The following NCKAP1 variants were observed in gnomAD, a reference collection of about 807,000 sequenced individuals.
NCKAP1 encodes NCK associated protein 1.
In NCKAP1, 21 loss-of-function variants were observed where a neutral mutation model predicts 151.2. The observed-to-expected ratio is 0.14, with a 90% CI of 0.10 to 0.20. NCKAP1 has a LOEUF of 0.20. Among genes scored for constraint, NCKAP1 ranks in the 10% least tolerant of loss-of-function variants. The probability of loss-of-function intolerance (pLI) is 1.00; values close to 1 mark genes in which losing one functional copy is unlikely to be tolerated. For missense variants in NCKAP1, 933 were observed against 1,352.1 expected (o/e 0.69, Z 4.86); for synonymous variants, 484 against 451.8 (o/e 1.07, Z -0.90).
At chr2:182,978,947 C>T (rs369703665) in intron 13 of NCKAP1, 32 bp from the exon 14 acceptor site, 176 of 1,504,056 alleles carry the variant, frequency 1.2e-4, no homozygotes, top group Middle Eastern at 8.7e-4. Flanking sequence ...ACGTTAAAAA[C>T]ATCTATAGTT....
intron 15 of NCKAP1, 64 bp downstream of exon 15, chr2:182,976,829 G>C: frequency 1.0e-6 from 1 of 1,002,366 alleles, no homozygotes; most frequent in Non-Finnish European, 1.4e-6. Context: ...TTTTATAGTT[G>C]TTATAAAATT....
At chr2:182,932,446 G>A (rs904181358) in intron 26 of NCKAP1, among the ~76,000 whole-genome samples, 5 of 152,068 alleles carry the variant, frequency 3.3e-5, no homozygotes, top group South Asian at 2.1e-4. Flanking sequence ...GCCTAGGGCT[G>A]GGGATGGGGG....
intron 7 of NCKAP1, among the ~76,000 whole-genome samples, chr2:182,995,182 C>A (rs1698244722): frequency 6.6e-6 from 1 of 152,106 alleles, no homozygotes; most frequent in South Asian, 2.1e-4. Context: ...ATTTCTCAAG[C>A]CTATTTCAAA....
rs568918680 is a variant in NCKAP1 at position 182,925,884 on chromosome 2, G to A, written c.3271-66C>T. ...ACTTGTTTATAAACAAAAATCATAA[G>A]TTATTTATAATGGGAACATTTATTG... is the stretch of plus-strand genomic sequence containing the variant. On this transcript the variant is annotated intron_variant, in intron 30 of 30. Coordinates refer to ENST00000361354, the MANE Select transcript of NCKAP1 (RefSeq NM_013436.5). 55 of 797,288 alleles carry A rather than the reference G, an allele frequency of 6.9e-5. No individual in the cohort carries two copies. The African/African-American group carries it at 9.6e-4, about 14-fold the overall frequency. 49.4% of individuals were successfully genotyped at this position (797,288 alleles called of 1,614,324 possible).
chr2:182,961,139 G>A (rs1343082825), intron 18 of NCKAP1, among the ~76,000 whole-genome samples: 1 of 152,196 alleles, frequency 6.6e-6, no homozygotes, highest in East Asian at 1.9e-4. Flanking sequence ...TGGTGGGACT[G>A]TAAACTAGTT....
rs950387630 is a variant in NCKAP1 at position 182,910,645 on chromosome 2, G to C, written c.*15057C>G. 2.6e-5 allele frequency: 4 copies of C among 152,244 alleles called. No homozygotes were observed. The highest frequency in any genetic ancestry group is 9.6e-5 in the African/African-American group (4 of 41,452). 9.4% of individuals were successfully genotyped at this position (152,244 alleles called of 1,614,324 possible). On this transcript the variant is annotated 3_prime_UTR_variant, in exon 31 of 31. Transcript: ENST00000361354. ...TCTGTGTACGTCGAACAAGACAATA[G>C]ATGTGAAAGAGCAACCCAGAAGTTA...
At chr2:182,988,049 G>C (rs1423281698) in intron 9 of NCKAP1, among the ~76,000 whole-genome samples, 1 of 152,116 alleles carries the variant, frequency 6.6e-6, no homozygotes, top group Non-Finnish European at 1.5e-5. Context: ...GTATTTTTCT[G>C]TTTGTATTTT....
At chr2:182,940,991 G>A (rs1696984325) in intron 24 of NCKAP1, among the ~76,000 whole-genome samples, 1 of 152,114 alleles carries the variant, frequency 6.6e-6, no homozygotes, top group South Asian at 2.1e-4. Flanking sequence ...ATTCTCTAAA[G>A]CATTTAAGAG....
intron 20 of NCKAP1, among the ~76,000 whole-genome samples, chr2:182,955,447 CAATA>C (rs1389582887): frequency 1.3e-5 from 2 of 151,940 alleles, no homozygotes; most frequent in Non-Finnish European, 2.9e-5. Context: ...AAGGTTAAAA[CAATA>C]TATATAAAGT....
chr2:182,975,281 G>C (rs999893451), intron 15 of NCKAP1, among the ~76,000 whole-genome samples: 5 of 152,030 alleles, frequency 3.3e-5, no homozygotes, highest in Admixed American at 1.3e-4. Flanking sequence ...AACATTTTGG[G>C]ATGTTGGTAT....
intron 9 of NCKAP1, among the ~76,000 whole-genome samples, chr2:182,987,099 G>A (rs1330590145): frequency 3.3e-5 from 5 of 151,952 alleles, no homozygotes; most frequent in African/African-American, 2.4e-5. Context: ...AAAATTAGTC[G>A]GGCATGGTGG....
rs1474329614 is a variant in NCKAP1 at position 182,989,071 on chromosome 2, G to A, written c.906C>T (p.His302=). 6.2e-7 allele frequency: 1 copy of A among 1,613,448 alleles called. No individual in the cohort carries two copies. Among genetic ancestry groups the A allele is most frequent in the Non-Finnish European group, 8.5e-7 (1 of 1,179,848 alleles). The change falls in exon 9 of 31, where the codon CAC becomes CAT. Residue 302 remains histidine, a synonymous_variant. Coordinates refer to ENST00000361354, the MANE Select transcript of NCKAP1 (RefSeq NM_013436.5). The part of the protein sequence containing the change: ...CLSLFRDEVF[H]IHKAAEDLFV... ...ATAAGTCTTCTGCAGCTTTGTGAAT[G>A]TGGAAAACTTCATCCCGAAAGAGAG...
chr2:182,944,088 T>G (rs1469162014), intron 23 of NCKAP1, among the ~76,000 whole-genome samples: 3 of 152,184 alleles, frequency 2.0e-5, no homozygotes, highest in African/African-American at 4.8e-5. Context: ...AAGTAATGCT[T>G]CTTCTGCTGG....
At chr2:182,935,406 A>C in intron 24 of NCKAP1, 31 bp from the exon 25 acceptor site, 1 of 1,364,466 alleles carries the variant, frequency 7.3e-7, no homozygotes, top group Non-Finnish European at 9.9e-7. Flanking sequence ...GGAGAAGAGA[A>C]TAAAAAAGTG....
intron 2 of NCKAP1, among the ~76,000 whole-genome samples, chr2:183,012,586 C>CT (rs1197366645): frequency 6.6e-6 from 1 of 151,056 alleles, no homozygotes; most frequent in Admixed American, 6.6e-5. Flanking sequence ...TCCATTCACT[C>CT]TACCATCTTT....
chr2:182,921,269 T>G lies in NCKAP1; in HGVS notation c.*4433A>C, dbSNP rs983839608. 3 of 152,150 alleles carry G rather than the reference T, an allele frequency of 2.0e-5. No individual in the cohort carries two copies. The highest frequency in any genetic ancestry group is 4.4e-5 in the Non-Finnish European group (3 of 68,020). The allele number at this position is 152,150 out of a possible 1,614,324, so 9.4% of individuals were successfully genotyped here. A position where few individuals can be genotyped will look rare whatever the true frequency, so the allele number is the denominator to read the frequency against. On this transcript the variant is annotated 3_prime_UTR_variant, in exon 31 of 31. Coordinates refer to ENST00000361354, the MANE Select transcript of NCKAP1 (RefSeq NM_013436.5). The stretch of plus-strand genomic sequence containing the variant: ...GAGCTTTAATAAAATTACAGTAAAT[T>G]TTAAATATGATTTCCTACTTATTCA...
Position 182,957,545 on chromosome 2 carries a change from A to T in NCKAP1, c.1933T>A (p.Ser645Thr), listed in dbSNP as rs1319699887. The T allele has an allele frequency of 6.2e-7, 1 of 1,613,594 alleles. No homozygotes were observed. Among genetic ancestry groups the T allele is most frequent in the Non-Finnish European group, 8.5e-7 (1 of 1,179,816 alleles). Residue 645 changes from serine (S) to threonine (T), a missense_variant, in exon 19 of 31, where the codon TCA becomes ACA. Around this residue, in one of 2 missense-constraint regions of NCKAP1, gnomAD observed 607 missense variants for 795.0 expected, o/e 0.76. Transcript: ENST00000361354. ...KTISQAVNKK[S>T]KKQTGKKGEP... The stretch of plus-strand genomic sequence containing the variant: ...CCTTTCTTACCAGTCTGCTTTTTTG[A>T]TTTCTTATTCACTGCTTGACTGATA...
chr2:182,977,393 G>C (rs1697846851), intron 14 of NCKAP1, among the ~76,000 whole-genome samples: 1 of 152,124 alleles, frequency 6.6e-6, no homozygotes, highest in Non-Finnish European at 1.5e-5. Flanking sequence ...GGGAGACTAA[G>C]GTGGGACAAT....
In NCKAP1 at chr2:182,916,127, T is replaced by G. The variant is rs1164116335; in HGVS notation, c.*9575A>C. The G allele has an allele frequency of 7.6e-6, 1 of 131,838 alleles. No individual in the cohort carries two copies. Among genetic ancestry groups the G allele is most frequent in the African/African-American group, 2.9e-5 (1 of 34,760 alleles). The allele number at this position is 131,838 out of a possible 1,614,324, so 8.2% of individuals were successfully genotyped here. ...CCCCCACTCCAACTCTCCTTTTCCC[T>G]CTGCCATGTAAGAAGTACCTTGCTT... On this transcript the variant is annotated 3_prime_UTR_variant, in exon 31 of 31. Transcript: ENST00000361354.
Sources: allele counts gnomAD v4.1 joint callset (sites outside exome capture counted in the v4.1 genomes callset), GRCh38; gene constraint gnomAD v4.1.1; regional missense constraint gnomAD v4.1.1; transcripts MANE v1.5; gene names NCBI Gene and HGNC (gene_info 2026-07-23, HGNC 2026-07-21).